Variants in SYNPO2 observed in about 807,000 individuals in gnomAD.
SYNPO2 encodes synaptopodin-2.
Under a neutral mutation model 85.0 loss-of-function variants are expected in SYNPO2, and 56 were observed. The observed-to-expected ratio is 0.66, with a 90% confidence interval of 0.53 to 0.82. The LOEUF is 0.82. SYNPO2 is among the 40% of genes least tolerant of loss of function. SYNPO2 has a pLI of 0.00. For missense variants in SYNPO2, 1,575 were observed against 1,534.2 expected (o/e 1.03, Z -0.44); for synonymous variants, 602 against 591.1 (o/e 1.02, Z -0.27).
At chr4:119,056,248 G>GTAA (rs2149202208) in intron 4 of SYNPO2, among the ~76,000 whole-genome samples, 1 of 152,248 alleles carries the variant, frequency 6.6e-6, no homozygotes, top group Non-Finnish European at 1.5e-5. Flanking sequence ...AACACAAGAG[G>GTAA]TTTCATTAAA....
intron 4 of SYNPO2, chr4:119,035,033 A>G (rs1738447730): frequency 6.1e-6 from 6 of 985,460 alleles, no homozygotes; most frequent in Non-Finnish European, 7.2e-6. Context: ...GTCGGTTTTC[A>G]TTGCCAGCTC....
intron 1 of SYNPO2, among the ~76,000 whole-genome samples, chr4:119,022,324 T>A (rs1241165059): frequency 6.6e-6 from 1 of 152,056 alleles, no homozygotes; most frequent in Non-Finnish European, 1.5e-5. Flanking sequence ...CAATGTGGAA[T>A]TATCATCATC....
intron 1 of SYNPO2, among the ~76,000 whole-genome samples, chr4:119,001,049 TC>T (rs1459847702): frequency 6.6e-6 from 1 of 152,182 alleles, no homozygotes; most frequent in Admixed American, 6.5e-5. Flanking sequence ...CCTCACACTT[TC>T]CCCTCAAGAG....
At position 118,994,634 on chromosome 4, in the gene SYNPO2, T is replaced by C. The variant is rs1422571360; in HGVS notation, c.106-28796T>C. Among the ~76,000 whole-genome samples, 3 of 152,340 alleles carry C rather than the reference T, an allele frequency of 2.0e-5. No individual in the cohort carries two copies. The East Asian group carries it at 5.8e-4, about 29-fold the overall frequency. ...AAAAGGCTTTGTACCTAGCATTTTA[T>C]CATCTAGAAAAAGGCAAAGTTTTGG... is the stretch of plus-strand genomic sequence containing the variant. On this transcript the variant is annotated intron_variant, in intron 1 of 4. Transcript: ENST00000307142.
At chr4:118,918,919 T>C (rs1733444707) in intron 1 of SYNPO2, among the ~76,000 whole-genome samples, 1 of 152,194 alleles carries the variant, frequency 6.6e-6, no homozygotes. Context: ...GATTAAAAAG[T>C]TTTAAAATGT....
rs535461140 is a variant in SYNPO2 at position 118,927,333 on chromosome 4, T to G, written c.105+38192T>G. Among the ~76,000 whole-genome samples, 369 of 152,260 alleles carry G rather than the reference T, an allele frequency of 2.4e-3. 4 individuals are homozygous for G. Among genetic ancestry groups the G allele is most frequent in the Middle Eastern group, 0.017 (5 of 294 alleles). On this transcript the variant is annotated intron_variant, in intron 1 of 4. Coordinates refer to ENST00000307142, the MANE Select transcript of SYNPO2 (RefSeq NM_133477.3). ...ATTGACTGTAGCTGCTGAATTCTCT[T>G]TATTTTTTATTATTGATAAGACATA...
intron 1 of SYNPO2, among the ~76,000 whole-genome samples, chr4:118,968,211 G>A (rs758896608): frequency 1.3e-5 from 2 of 152,214 alleles, no homozygotes; most frequent in African/African-American, 2.4e-5. Context: ...CTGAGGCTTA[G>A]TGTGTGTTCT....
chr4:118,884,307 T>C (rs1489238452), upstream of SYNPO2, among the ~76,000 whole-genome samples: 1 of 152,134 alleles, frequency 6.6e-6, no homozygotes, highest in Non-Finnish European at 1.5e-5. Flanking sequence ...CCAACACACC[T>C]TGTGGTGGTT....
intron 1 of SYNPO2, among the ~76,000 whole-genome samples, chr4:118,889,672 T>C (rs1161919433): frequency 6.6e-6 from 1 of 152,234 alleles, no homozygotes; most frequent in East Asian, 1.9e-4. Context: ...TTTAAAAGAA[T>C]ACCCTTTTAA....
intron 1 of SYNPO2, among the ~76,000 whole-genome samples, chr4:118,865,747 A>G (rs771068531): frequency 4.6e-5 from 7 of 152,238 alleles, no homozygotes; most frequent in Non-Finnish European, 1.0e-4. Flanking sequence ...ACGGTTAAAA[A>G]AAGTGATTTT....
intron 1 of SYNPO2, among the ~76,000 whole-genome samples, chr4:118,876,705 C>A (rs1022762168): frequency 2.2e-4 from 29 of 129,138 alleles, no homozygotes; most frequent in Non-Finnish European, 1.3e-4. Flanking sequence ...TTCTTTCTTT[C>A]TTTCTTTCTT....
chr4:119,003,399 C>T (rs907984420), intron 1 of SYNPO2, among the ~76,000 whole-genome samples: 8 of 152,148 alleles, frequency 5.3e-5, no homozygotes, highest in African/African-American at 1.9e-4. Flanking sequence ...GTGGGGATTA[C>T]AATTTGAGAT....
At chr4:118,972,973 T>C (rs543595499) in intron 1 of SYNPO2, among the ~76,000 whole-genome samples, 12 of 152,182 alleles carry the variant, frequency 7.9e-5, no homozygotes, top group Non-Finnish European at 1.6e-4. Context: ...ACACCAATGG[T>C]CCCCACTTAT....
In SYNPO2 at chr4:119,054,529, C is replaced by T. The variant is rs867809784; in HGVS notation, c.3253-2872C>T. On this transcript the variant is annotated intron_variant, in intron 4 of 4. Coordinates refer to ENST00000307142, the MANE Select transcript of SYNPO2 (RefSeq NM_133477.3). ...CGAAGAGGATGGGCAGGTTGTCTTC[C>T]CCTGAAGTCAGGTCATCTCTTCTGT... is the stretch of plus-strand genomic sequence containing the variant. 7.9e-5 allele frequency among the ~76,000 whole-genome samples: 12 copies of T among 152,164 alleles called. No homozygotes were observed. In the South Asian group the frequency reaches 2.5e-3, roughly 32 times the overall value.
At chr4:118,908,619 C>T (rs1262047356) in intron 1 of SYNPO2, among the ~76,000 whole-genome samples, 1 of 152,030 alleles carries the variant, frequency 6.6e-6, no homozygotes, top group Non-Finnish European at 1.5e-5. Context: ...ATTATCAAGA[C>T]AGGATAAATC....
At chr4:119,020,548 T>C (rs888750453) in intron 1 of SYNPO2, among the ~76,000 whole-genome samples, 1 of 152,178 alleles carries the variant, frequency 6.6e-6, no homozygotes, top group African/African-American at 2.4e-5. Context: ...AGACAACTCA[T>C]GGCTAATAAA....
chr4:118,940,637 G>A (rs1171685235), intron 1 of SYNPO2, among the ~76,000 whole-genome samples: 2 of 152,096 alleles, frequency 1.3e-5, no homozygotes, highest in Non-Finnish European at 2.9e-5. Context: ...TAAGGGGTGC[G>A]GTCGGACCCC....
upstream of SYNPO2, among the ~76,000 whole-genome samples, chr4:118,887,550 T>C (rs911981339): frequency 6.6e-6 from 1 of 152,178 alleles, no homozygotes; most frequent in East Asian, 1.9e-4. Flanking sequence ...CACTCACTGA[T>C]TCACCAAAAA....
chr4:118,904,864 A>G (rs1051675855), intron 1 of SYNPO2, among the ~76,000 whole-genome samples: 3 of 152,156 alleles, frequency 2.0e-5, no homozygotes, highest in African/African-American at 7.2e-5. Context: ...AAAACATAGC[A>G]GTTTCCATTG....
Sources: gnomAD v4.1 joint callset for allele counts (sites outside exome capture counted in the v4.1 genomes callset) on GRCh38, gnomAD v4.1.1 for gene constraint, MANE v1.5 for transcripts, NCBI Gene and HGNC (gene_info 2026-07-23, HGNC 2026-07-21) for gene names.